CDH20: variants seen among roughly 807,000 people sequenced by gnomAD.
The protein encoded by CDH20 is cadherin-20.
A neutral mutation model predicts 74.2 loss-of-function variants in CDH20; 29 were observed. The observed-to-expected ratio is 0.39, with a 90% CI of 0.29 to 0.53. The LOEUF (loss-of-function observed/expected upper bound fraction) is 0.53. CDH20 is among the 20% of genes least tolerant of loss of function. The probability of loss-of-function intolerance (pLI) is 0.69; values close to 1 mark genes in which losing one functional copy is unlikely to be tolerated. For missense variants in CDH20, 988 were observed against 1,048.3 expected (o/e 0.94, Z 0.79); for synonymous variants, 469 against 405.4 (o/e 1.16, Z -1.88).
chr18:61,368,317 CCTTTT>C (rs1160993127), intron 1 of CDH20, among the ~76,000 whole-genome samples: 3 of 151,056 alleles, frequency 2.0e-5, no homozygotes, highest in Admixed American at 6.7e-5. Context: ...CTCACTGTCT[CCTTTT>C]CTTTTCTTCT....
chr18:61,538,587 TGTTTGTTTG>T (rs575320617), intron 8 of CDH20, among the ~76,000 whole-genome samples: 3,471 of 49,732 alleles, frequency 0.07, 694 homozygotes, highest in African/African-American at 0.16. Flanking sequence ...ACTTTTTGTT[TGTTTGTTTG>T]TTTTTGTTTT....
intron 1 of CDH20, among the ~76,000 whole-genome samples, chr18:61,354,173 A>T (rs1910413188): frequency 6.6e-6 from 1 of 152,228 alleles, no homozygotes; most frequent in African/African-American, 2.4e-5. Flanking sequence ...ACTGATCTGG[A>T]ACATTTCCAC....
At chr18:61,444,407 C>A (rs1909131358) in intron 1 of CDH20, among the ~76,000 whole-genome samples, 1 of 151,964 alleles carries the variant, frequency 6.6e-6, no homozygotes, top group Non-Finnish European at 1.5e-5. Flanking sequence ...TTTTTATGTC[C>A]AGACCAAAAG....
intron 11 of CDH20, among the ~76,000 whole-genome samples, chr18:61,553,888 G>T (rs1942782404): frequency 6.6e-6 from 1 of 152,110 alleles, no homozygotes; most frequent in Non-Finnish European, 1.5e-5. Context: ...TTTTAAATTG[G>T]GTGTTAGGTG....
At chr18:61,480,621 C>G (rs951240410) in intron 1 of CDH20, among the ~76,000 whole-genome samples, 5 of 152,152 alleles carry the variant, frequency 3.3e-5, no homozygotes, top group African/African-American at 1.2e-4. Flanking sequence ...GGGATGACTT[C>G]GAATAGGATG....
chr18:61,421,484 C>G (rs73447314), intron 1 of CDH20, among the ~76,000 whole-genome samples: 1,927 of 152,296 alleles, frequency 0.013, 45 homozygotes, highest in African/African-American at 0.044. Context: ...GTTTCACTAT[C>G]TAATCATGTC....
intron 7 of CDH20, among the ~76,000 whole-genome samples, chr18:61,530,809 C>T (rs1912611702): frequency 6.6e-6 from 1 of 152,120 alleles, no homozygotes; most frequent in African/African-American, 2.4e-5. Flanking sequence ...ACTGCCTGCC[C>T]CCCAGTTCCT....
At chr18:61,396,001 T>C (rs1419250699) in intron 1 of CDH20, among the ~76,000 whole-genome samples, 2 of 151,818 alleles carry the variant, frequency 1.3e-5, no homozygotes, top group Non-Finnish European at 2.9e-5. Flanking sequence ...TGTTCCCCAA[T>C]CTCTCTCCAG....
intron 6 of CDH20, among the ~76,000 whole-genome samples, chr18:61,517,424 A>G (rs1912036690): frequency 6.6e-6 from 1 of 152,166 alleles, no homozygotes; most frequent in South Asian, 2.1e-4. Context: ...TAGTGGGTGC[A>G]GCCCAGGGAG....
At chr18:61,458,044 GTCTT>G (rs1405171794) in intron 1 of CDH20, among the ~76,000 whole-genome samples, 1 of 152,130 alleles carries the variant, frequency 6.6e-6, no homozygotes, top group Non-Finnish European at 1.5e-5. Context: ...AAACATGACT[GTCTT>G]TCTGATCATG....
intron 6 of CDH20, among the ~76,000 whole-genome samples, chr18:61,527,753 T>C (rs993562654): frequency 1.2e-4 from 19 of 152,166 alleles, no homozygotes; most frequent in African/African-American, 4.6e-4. Context: ...GACTGATATC[T>C]TATCTTCTTT....
chr18:61,551,107 AGGTGGCTCCCCAACTCCCT>A (rs1913418054), intron 11 of CDH20, among the ~76,000 whole-genome samples: 1 of 152,228 alleles, frequency 6.6e-6, no homozygotes, highest in Non-Finnish European at 1.5e-5. Context: ...TCATACTGCA[AGGTGGCTCCCCAACTCCCT>A]GGTATGTAAG....
At chr18:61,528,633 C>T (rs1410502148) in intron 7 of CDH20, among the ~76,000 whole-genome samples, 4 of 152,130 alleles carry the variant, frequency 2.6e-5, no homozygotes, top group African/African-American at 7.2e-5. Flanking sequence ...TTGTAACCAC[C>T]TAAAATGTCC....
At chr18:61,522,135 G>T (rs565088276) in intron 6 of CDH20, among the ~76,000 whole-genome samples, 2 of 152,170 alleles carry the variant, frequency 1.3e-5, no homozygotes, top group East Asian at 3.9e-4. Flanking sequence ...AATTGTCTTT[G>T]TTTGCAGATG....
At position 61,507,415 on chromosome 18, in the gene CDH20, C is replaced by A; in HGVS notation, c.872C>A (p.Ser291Tyr). 6.2e-7 allele frequency: 1 copy of A among 1,614,036 alleles called. No individual in the cohort carries two copies. Among genetic ancestry groups the A allele is most frequent in the Non-Finnish European group, 8.5e-7 (1 of 1,179,970 alleles). ...GTGTTGGAATCAGCTCCAATTAGCT[C>A]CACTGTCGGGAGAGTGTTTGCCAAG... is the stretch of plus-strand genomic sequence containing the variant. Reference protein sequence around the residue: ...MSVLESAPISSTVGRVFAKDL... With the variant: ...MSVLESAPISYTVGRVFAKDL... The change falls in exon 6 of 12, where the codon TCC (serine) becomes TAC (tyrosine). Residue 291 changes from serine (S) to tyrosine (Y), a missense_variant. This residue lies in a region of CDH20 where 613 missense variants were observed against 755.2 expected (regional missense o/e 0.81). Transcript: ENST00000262717.
chr18:61,500,327 G>A, intron 3 of CDH20, 56 bp from the exon 4 acceptor site: 1 of 1,571,808 alleles, frequency 6.4e-7, no homozygotes, highest in South Asian at 1.2e-5. Flanking sequence ...GCTCAGGATT[G>A]CATCCAGCCT....
At position 61,353,168 on chromosome 18, in the gene CDH20, A is replaced by G. The variant is rs1324459168; in HGVS notation, c.-153+19341A>G. On this transcript the variant is annotated intron_variant, in intron 1 of 11. Transcript: ENST00000262717. This position sits in a 1 kb window ranked among gnomAD's most constrained non-coding sequence, Gnocchi z 4.6. ...TGATACATCAGTTTCTAACTTAGAA[A>G]CATTCATTTAATTGTCTACATAACA... 2.0e-5 allele frequency among the ~76,000 whole-genome samples: 3 copies of G among 152,210 alleles called. No homozygotes were observed. The highest frequency in any genetic ancestry group is 7.2e-5 in the African/African-American group (3 of 41,458).
intron 1 of CDH20, among the ~76,000 whole-genome samples, chr18:61,349,487 T>C (rs1211953660): frequency 6.6e-6 from 1 of 152,216 alleles, no homozygotes. Flanking sequence ...CTACAGATTC[T>C]ATAATGACTC....
At chr18:61,513,553 T>C (rs892049551) in intron 6 of CDH20, among the ~76,000 whole-genome samples, 1 of 148,802 alleles carries the variant, frequency 6.7e-6, no homozygotes, top group African/African-American at 2.5e-5. Flanking sequence ...CGATGTTAGC[T>C]GGTTATTTTG....
Sources: gnomAD v4.1 joint callset for allele counts (sites outside exome capture counted in the v4.1 genomes callset) on GRCh38, gnomAD v4.1.1 for gene constraint, gnomAD v4.1.1 regional missense constraint, Gnocchi (gnomAD v3.1) non-coding constraint, MANE v1.5 for transcripts, NCBI Gene and HGNC (gene_info 2026-07-23, HGNC 2026-07-21) for gene names.